GRID1: variants seen among roughly 807,000 people sequenced by gnomAD.
The protein encoded by GRID1 is glutamate receptor ionotropic, delta-1.
Under a neutral mutation model 98.0 loss-of-function variants are expected in GRID1, and 28 were observed. The observed-to-expected ratio is 0.29, with a 90% CI of 0.21 to 0.39. GRID1 has a LOEUF of 0.39. Among genes scored for constraint, GRID1 ranks in the 10% least tolerant of loss-of-function variants. The pLI is 1.00. For synonymous variants in GRID1, 553 were observed against 538.5 expected (o/e 1.03, Z -0.37); for missense variants, 1,111 against 1,340.5 (o/e 0.83, Z 2.67).
chr10:85,862,481 T>C (rs1157251056), intron 6 of GRID1, among the ~76,000 whole-genome samples: 1 of 152,206 alleles, frequency 6.6e-6, no homozygotes, highest in African/African-American at 2.4e-5. Flanking sequence ...TCCCAGGCTA[T>C]GCATTTCCCT....
At chr10:86,153,711 A>C (rs1845202513) in intron 3 of GRID1, among the ~76,000 whole-genome samples, 1 of 152,102 alleles carries the variant, frequency 6.6e-6, no homozygotes, top group Non-Finnish European at 1.5e-5. Context: ...GGGCCTCTGC[A>C]ACCCCACAGA....
At chr10:85,737,309 T>C (rs553323941) in intron 8 of GRID1, among the ~76,000 whole-genome samples, 2 of 152,074 alleles carry the variant, frequency 1.3e-5, no homozygotes, top group East Asian at 1.9e-4. Flanking sequence ...ACAGGGGCTT[T>C]TGAAAAACCT....
chr10:85,903,906 A>G (rs1290797836), intron 5 of GRID1, among the ~76,000 whole-genome samples: 2 of 152,174 alleles, frequency 1.3e-5, no homozygotes, highest in Non-Finnish European at 2.9e-5. Flanking sequence ...ACCTCATCAA[A>G]TAGATTTCTC....
intron 4 of GRID1, among the ~76,000 whole-genome samples, chr10:85,998,966 G>C (rs538715948): frequency 1.3e-5 from 2 of 152,068 alleles, no homozygotes; most frequent in African/African-American, 4.8e-5. Context: ...TAATCCCAGC[G>C]CTTTGGGAGG....
intron 4 of GRID1, among the ~76,000 whole-genome samples, chr10:86,060,946 T>C (rs1843639523): frequency 6.6e-6 from 1 of 152,098 alleles, no homozygotes; most frequent in Non-Finnish European, 1.5e-5. Context: ...GACTCTACAA[T>C]GCGCCCCTTT....
chr10:85,792,772 T>C (rs1466594225), intron 8 of GRID1, among the ~76,000 whole-genome samples: 2 of 152,174 alleles, frequency 1.3e-5, no homozygotes. Flanking sequence ...ATGATGGAAA[T>C]GACACCCAGA....
chr10:85,864,123 T>A (rs1564612800), intron 6 of GRID1, among the ~76,000 whole-genome samples: 1 of 152,228 alleles, frequency 6.6e-6, no homozygotes, highest in Non-Finnish European at 1.5e-5. Context: ...GGAACTGACC[T>A]CTGACCAAAT....
intron 8 of GRID1, among the ~76,000 whole-genome samples, chr10:85,784,708 C>T (rs1159766829): frequency 2.0e-5 from 3 of 152,108 alleles, no homozygotes; most frequent in African/African-American, 2.4e-5. Context: ...CTGATGGAGT[C>T]CAGAAGTTCT....
chr10:85,891,820 T>A (rs1415987106), intron 5 of GRID1, among the ~76,000 whole-genome samples: 1 of 152,076 alleles, frequency 6.6e-6, no homozygotes, highest in Non-Finnish European at 1.5e-5. Flanking sequence ...ATGTCTGGCA[T>A]CTAATCAAAA....
intron 3 of GRID1, among the ~76,000 whole-genome samples, chr10:86,165,007 G>A (rs948825230): frequency 4.6e-5 from 7 of 152,178 alleles, no homozygotes; most frequent in African/African-American, 1.7e-4. Flanking sequence ...TGGGGGGTAG[G>A]AAATTTGGGG....
chr10:85,873,159 G>T (rs1047661384), intron 5 of GRID1, among the ~76,000 whole-genome samples: 1 of 152,160 alleles, frequency 6.6e-6, no homozygotes, highest in Admixed American at 6.5e-5. Flanking sequence ...CACACACCAG[G>T]CTGCATTTCC....
intron 2 of GRID1, among the ~76,000 whole-genome samples, chr10:86,331,631 AG>A (rs1241509793): frequency 1.3e-5 from 2 of 152,202 alleles, no homozygotes; most frequent in African/African-American, 2.4e-5. Context: ...CCCCAGGAGC[AG>A]GGGGAACAGA....
chr10:85,647,185 C>G lies in GRID1; in HGVS notation c.2193+17G>C. On this transcript the variant is annotated intron_variant, in intron 13 of 15. Transcript: ENST00000327946. ...CCCTGTTACAGTGCACGTGCCCAAG[C>G]GCCAGCTCCTGCCTACCTTCCTGAT... is the stretch of plus-strand genomic sequence containing the variant. 6.2e-7 allele frequency: 1 copy of G among 1,610,284 alleles called. No individual in the cohort carries two copies. The highest frequency in any genetic ancestry group is 8.5e-7 in the Non-Finnish European group (1 of 1,176,810).
intron 4 of GRID1, among the ~76,000 whole-genome samples, chr10:86,084,256 C>T (rs11201882): frequency 0.29 from 43,135 of 151,314 alleles, 7,321 homozygotes; most frequent in East Asian, 0.42. Flanking sequence ...TGATGACTGA[C>T]CTGTGTCTTT....
rs1848676478 is a variant in GRID1, at chr10:86,366,233, A to G, written c.79+81T>C. 8.0e-6 allele frequency: 8 copies of G among 998,642 alleles called. 1 individual carries two copies. Among genetic ancestry groups the G allele is most frequent in the Non-Finnish European group, 1.1e-5 (8 of 712,178 alleles). 61.9% of individuals were successfully genotyped at this position (998,642 alleles called of 1,614,324 possible). On this transcript the variant is annotated intron_variant, in intron 1 of 15. Transcript: ENST00000327946. The surrounding 1 kb of genome is among the most constrained non-coding windows in gnomAD (Gnocchi z 4.1). The stretch of plus-strand genomic sequence containing the variant: ...CCCGCCGAGCCCCTCGGCCCAGGGA[A>G]ACGCCAAGTTTGGACGCCGCGCACC...
At chr10:85,632,123 G>A (rs978965962) in intron 13 of GRID1, among the ~76,000 whole-genome samples, 1 of 152,066 alleles carries the variant, frequency 6.6e-6, no homozygotes, top group Admixed American at 6.6e-5. Flanking sequence ...AAAGATGAAA[G>A]GATGGCAAGT....
At chr10:85,607,996 T>C (rs1454460795) in intron 15 of GRID1, among the ~76,000 whole-genome samples, 1 of 151,832 alleles carries the variant, frequency 6.6e-6, no homozygotes, top group East Asian at 2.0e-4. Context: ...TAAAAAAAAA[T>C]TGTAGAGACT....
At chr10:85,881,598 C>T (rs1841023856) in intron 5 of GRID1, among the ~76,000 whole-genome samples, 1 of 152,182 alleles carries the variant, frequency 6.6e-6, no homozygotes, top group South Asian at 2.1e-4. Context: ...TAGATCCCTT[C>T]CTTACACCTT....
intron 3 of GRID1, among the ~76,000 whole-genome samples, chr10:86,147,494 C>T (rs537441189): frequency 1.3e-5 from 2 of 152,200 alleles, no homozygotes; most frequent in East Asian, 1.9e-4. Context: ...AAAATAGACA[C>T]ATAAACCAAT....
Sources: allele counts gnomAD v4.1 joint callset (sites outside exome capture counted in the v4.1 genomes callset), GRCh38; gene constraint gnomAD v4.1.1; non-coding constraint Gnocchi (gnomAD v3.1); transcripts MANE v1.5; gene names NCBI Gene and HGNC (gene_info 2026-07-23, HGNC 2026-07-21).